The following PHF14 variants were observed in gnomAD, a reference collection of about 807,000 sequenced individuals.
PHF14 encodes the protein PHD finger protein 14.
PHF14 carries 55 observed loss-of-function variants against 117.9 expected under a neutral mutation model. The ratio of observed to expected loss-of-function variants is 0.47; its 90% CI spans 0.38 to 0.58. PHF14 has a LOEUF of 0.58. Ranked by LOEUF, PHF14 falls within the 20% of genes least tolerant of loss-of-function variation. PHF14 has a pLI of 0.00. For missense variants in PHF14, 978 were observed against 1,122.2 expected (o/e 0.87, Z 1.84); for synonymous variants, 409 against 368.6 (o/e 1.11, Z -1.26).
At chr7:11,084,591 GA>G (rs1786305963) in intron 16 of PHF14, among the ~76,000 whole-genome samples, 1 of 151,544 alleles carries the variant, frequency 6.6e-6, no homozygotes, top group African/African-American at 2.4e-5. Flanking sequence ...ATATAATTTG[GA>G]TGTATCATAA....
At chr7:10,999,719 C>A (rs1281012786) in intron 4 of PHF14, among the ~76,000 whole-genome samples, 5 of 152,176 alleles carry the variant, frequency 3.3e-5, no homozygotes, top group Non-Finnish European at 7.3e-5. Context: ...GGAAAATCTA[C>A]CTTCTTTCCA....
At chr7:11,060,509 T>A (rs768405037) in intron 14 of PHF14, among the ~76,000 whole-genome samples, 4 of 152,178 alleles carry the variant, frequency 2.6e-5, no homozygotes, top group Admixed American at 6.5e-5. Context: ...CTTAAACTTA[T>A]GTGTATTTGA....
chr7:11,035,855 G>T, intron 8 of PHF14, 69 bp downstream of exon 8: 1 of 1,199,366 alleles, frequency 8.3e-7, no homozygotes, highest in Non-Finnish European at 1.2e-6. Flanking sequence ...CGTCTCGTGT[G>T]GCTTCCAGTG....
chr7:11,094,090 C>T (rs897697978), intron 16 of PHF14, among the ~76,000 whole-genome samples: 3 of 151,952 alleles, frequency 2.0e-5, no homozygotes, highest in East Asian at 1.9e-4. Flanking sequence ...CTGTGGTGGC[C>T]GCTCCCCTTC....
At chr7:11,131,298 G>A (rs911721382) in intron 17 of PHF14, among the ~76,000 whole-genome samples, 2 of 151,872 alleles carry the variant, frequency 1.3e-5, no homozygotes, top group African/African-American at 4.8e-5. Context: ...ACAAATGAGA[G>A]TTGTTGTTCC....
intron 7 of PHF14, among the ~76,000 whole-genome samples, chr7:11,029,832 A>G (rs1347410099): frequency 6.6e-6 from 1 of 152,080 alleles, no homozygotes; most frequent in Admixed American, 6.6e-5. Context: ...CTTTATGGTA[A>G]TAGTCTAAGC....
intron 7 of PHF14, among the ~76,000 whole-genome samples, chr7:11,029,367 A>G (rs947552715): frequency 1.3e-5 from 2 of 148,426 alleles, no homozygotes; most frequent in Admixed American, 6.6e-5. Flanking sequence ...ATTACACTAT[A>G]AAAATGTTAC....
At chr7:11,139,312 C>G (rs1399608488) in intron 17 of PHF14, among the ~76,000 whole-genome samples, 1 of 152,120 alleles carries the variant, frequency 6.6e-6, no homozygotes, top group Non-Finnish European at 1.5e-5. Flanking sequence ...CATCCAGAAT[C>G]ACTGTATTTA....
At chr7:11,080,004 A>G (rs891961832) in intron 16 of PHF14, among the ~76,000 whole-genome samples, 2 of 152,184 alleles carry the variant, frequency 1.3e-5, no homozygotes, top group Non-Finnish European at 2.9e-5. Context: ...AAATATGAAT[A>G]GACTCAGTGG....
intron 17 of PHF14, among the ~76,000 whole-genome samples, chr7:11,132,201 C>A (rs1178106679): frequency 6.6e-6 from 1 of 151,574 alleles, no homozygotes; most frequent in Non-Finnish European, 1.5e-5. Flanking sequence ...ATCTCTAGAC[C>A]TTTTTCATCT....
chr7:11,162,160 C>T (rs538017677), intron 17 of PHF14, among the ~76,000 whole-genome samples: 24 of 132,882 alleles, frequency 1.8e-4, no homozygotes, highest in African/African-American at 6.1e-4. Context: ...GCAATCCTGG[C>T]TCACTGCAAC....
intron 16 of PHF14, among the ~76,000 whole-genome samples, chr7:11,079,878 A>C (rs1333697966): frequency 6.6e-6 from 1 of 152,090 alleles, no homozygotes; most frequent in Non-Finnish European, 1.5e-5. Flanking sequence ...TGACATGTCA[A>C]TAATCAGGAA....
intron 16 of PHF14, among the ~76,000 whole-genome samples, chr7:11,082,727 A>G (rs1329585986): frequency 6.6e-6 from 1 of 152,296 alleles, no homozygotes; most frequent in Non-Finnish European, 1.5e-5. Flanking sequence ...TATCACACAT[A>G]GTACTTCCAC....
intron 17 of PHF14, among the ~76,000 whole-genome samples, chr7:11,131,430 A>T (rs1788087513): frequency 6.6e-6 from 1 of 151,834 alleles, no homozygotes; most frequent in Non-Finnish European, 1.5e-5. Context: ...TCATATGCTT[A>T]TTTGCCATAT....
chr7:11,007,033 C>A (rs1783133635), intron 4 of PHF14, among the ~76,000 whole-genome samples: 1 of 151,954 alleles, frequency 6.6e-6, no homozygotes, highest in South Asian at 2.1e-4. Context: ...AAAAATTTGC[C>A]AGGTGTGGTA....
In PHF14 at chr7:10,985,636, C is replaced by CCGGTTTT. The variant is rs750860479; in HGVS notation, c.900+2477_900+2478insCGGTTTT. Among the ~76,000 whole-genome samples the CCGGTTTT allele has an allele frequency of 1.4e-4, 13 of 90,858 alleles. 1 individual carries two copies. In the East Asian group the frequency reaches 4.5e-3, roughly 32 times the overall value. The allele number at this position is 90,858 out of a possible 152,430, so 59.6% of individuals were successfully genotyped here. ...ATACTCTCTAGCAGTGATTCTCAAA[C>CCGGTTTT]TGTTTTTTTTTTTTTTTTTTTTTTT... is the stretch of plus-strand genomic sequence containing the variant. On this transcript the variant is annotated intron_variant, in intron 3 of 17. Coordinates refer to ENST00000634607, the MANE Select transcript of PHF14 (RefSeq NM_001007157.2).
At chr7:11,124,556 T>C (rs1301503204) in intron 17 of PHF14, among the ~76,000 whole-genome samples, 2 of 152,080 alleles carry the variant, frequency 1.3e-5, no homozygotes, top group Non-Finnish European at 2.9e-5. Context: ...AATGTATAAT[T>C]CTATGTAATC....
intron 17 of PHF14, among the ~76,000 whole-genome samples, chr7:11,122,063 C>T (rs1295036258): frequency 6.6e-6 from 1 of 151,392 alleles, no homozygotes; most frequent in East Asian, 2.0e-4. Context: ...TCCCTGTGTC[C>T]ATGTGTTCTC....
intron 17 of PHF14, among the ~76,000 whole-genome samples, chr7:11,164,241 C>G (rs1789134701): frequency 6.6e-6 from 1 of 152,138 alleles, no homozygotes; most frequent in African/African-American, 2.4e-5. Context: ...TCTTTGTATT[C>G]ATAGAGTCTT....
Sources: gnomAD v4.1 joint callset for allele counts (sites outside exome capture counted in the v4.1 genomes callset) on GRCh38, gnomAD v4.1.1 for gene constraint, MANE v1.5 for transcripts, NCBI Gene and HGNC (gene_info 2026-07-23, HGNC 2026-07-21) for gene names.